The following RIF1 variants were observed in gnomAD, a reference collection of about 807,000 sequenced individuals.
The protein encoded by RIF1 is telomere-associated protein RIF1.
RIF1 carries 45 observed loss-of-function variants against 247.1 expected under a neutral mutation model. That is an observed-to-expected ratio of 0.18 (90% CI 0.14 to 0.23). RIF1 has a LOEUF of 0.23. Ranked by LOEUF, RIF1 falls within the 10% of genes least tolerant of loss-of-function variation. The pLI is 1.00. For missense variants in RIF1, 2,967 were observed against 2,862.5 expected (o/e 1.04, Z -0.83); for synonymous variants, 1,087 against 978.8 (o/e 1.11, Z -2.06).
chr2:151,467,509 T>C (rs918532000), intron 30 of RIF1, among the ~76,000 whole-genome samples: 1 of 152,084 alleles, frequency 6.6e-6, no homozygotes, highest in African/African-American at 2.4e-5. Flanking sequence ...TAAGCCCAGC[T>C]AATTTTTGTA....
At chr2:151,430,682 C>A (rs1417450413) in intron 9 of RIF1, among the ~76,000 whole-genome samples, 1 of 151,634 alleles carries the variant, frequency 6.6e-6, no homozygotes, top group African/African-American at 2.4e-5. Context: ...CCCCTCCCCC[C>A]ACTTAGGGTC....
rs572790968 is a variant in RIF1 at position 151,445,904 on chromosome 2, C to T, written c.2094+459C>T. Among the ~76,000 whole-genome samples the T allele has an allele frequency of 7.9e-5, 12 of 152,178 alleles. No homozygotes were observed. The South Asian group carries it at 1.0e-3, about 13-fold the overall frequency. ...ACTAGCTTAGGAGAATGATGAAGGG[C>T]GAGAGAAGTTCTTTTGGATCTTTGA... On this transcript the variant is annotated intron_variant, in intron 19 of 35. Transcript: ENST00000444746.
intron 34 of RIF1, among the ~76,000 whole-genome samples, chr2:151,472,039 A>G (rs997728820): frequency 6.6e-6 from 1 of 151,940 alleles, no homozygotes; most frequent in African/African-American, 2.4e-5. Context: ...GTCCTCTTTT[A>G]TTTCATTGAG....
chr2:151,415,204 G>A (rs1000430650), intron 4 of RIF1, among the ~76,000 whole-genome samples: 3 of 151,778 alleles, frequency 2.0e-5, no homozygotes, highest in Non-Finnish European at 2.9e-5. Flanking sequence ...AAAATTAGCC[G>A]GGCACCGTGG....
At chr2:151,443,851 G>T (rs1319341465) in intron 18 of RIF1, 142 bp downstream of exon 18, 2 of 508,180 alleles carry the variant, frequency 3.9e-6, no homozygotes, top group Non-Finnish European at 6.5e-6. Context: ...TTGTACTTTT[G>T]ATTGATTTTA....
rs754184054 is a variant in RIF1 at position 151,465,340 on chromosome 2, A to T, written c.5820A>T (p.Glu1940Asp). 6.2e-7 allele frequency: 1 copy of T among 1,613,914 alleles called. No individual in the cohort carries two copies. Among genetic ancestry groups the T allele is most frequent in the East Asian group, 2.2e-5 (1 of 44,874 alleles). ...QERTKTGISE[E>D]AAIEENKRND... ...GAACCAAAACTGGTATTTCTGAAGA[A>T]GCAGCAATAGAAGAAAATAAAAGAA... Residue 1940 changes from glutamate to aspartate, a missense_variant, in exon 30 of 36, where the codon GAA becomes GAT. This residue lies in a region of RIF1 where 2,028 missense variants were observed against 1,825.6 expected (regional missense o/e 1.11). Coordinates refer to ENST00000444746, the MANE Select transcript of RIF1 (RefSeq NM_018151.5).
intron 20 of RIF1, among the ~76,000 whole-genome samples, chr2:151,448,634 C>G (rs1220908341): frequency 1.3e-5 from 2 of 152,172 alleles, no homozygotes; most frequent in Non-Finnish European, 2.9e-5. Flanking sequence ...TTTCTGCTTC[C>G]TTTTCCAAAG....
chr2:151,502,795 A>T lies in RIF1; in HGVS notation c.*710-239A>T, dbSNP rs2065743787. ...TTTTTTGGCCCCCTAAGAAATACCGAGCTAAAGTTCTCTTGATTGCGTTTG... is the reference window on the plus strand; with the variant it reads ...TTTTTTGGCCCCCTAAGAAATACCGTGCTAAAGTTCTCTTGATTGCGTTTG... On this transcript the variant is annotated intron_variant and NMD_transcript_variant, in intron 11 of 13. Coordinates refer to the RIF1 transcript ENST00000454583. The T allele has an allele frequency of 6.3e-7, 1 of 1,580,790 alleles. No homozygotes were observed. The highest frequency in any genetic ancestry group is 8.7e-7 in the Non-Finnish European group (1 of 1,151,984).
Position 151,468,511 on chromosome 2 carries a change from G to C in RIF1, c.6785G>C (p.Gly2262Ala), listed in dbSNP as rs1340193586. ...TCAGCCAAAGGATTTCTGTCCCCAG[G>C]ATCACGTAGCCCTAAATTTAAGAGC... is the stretch of plus-strand genomic sequence containing the variant. ...TTSAKGFLSP[G>A]SRSPKFKSSK... The change falls in exon 32 of 36, where the codon GGA (glycine) becomes GCA (alanine). Residue 2262 changes from glycine (G) to alanine (A), a missense_variant. Physicochemically the swap from Gly to Ala is moderately conservative, Grantham distance 60. Coordinates refer to ENST00000444746, the MANE Select transcript of RIF1 (RefSeq NM_018151.5). 10 of 1,613,550 alleles carry C rather than the reference G, an allele frequency of 6.2e-6. No individual in the cohort carries two copies. The highest frequency in any genetic ancestry group is 8.5e-6 in the Non-Finnish European group (10 of 1,179,670).
intron 11 of RIF1, 26 bp downstream of exon 11, chr2:151,435,606 T>C (rs1691024641): frequency 7.4e-6 from 10 of 1,358,460 alleles, no homozygotes; most frequent in Admixed American, 1.7e-5. Flanking sequence ...TCTTGTTTTT[T>C]GCTTTTTTAA....
rs779160047 is a variant in RIF1, at chr2:151,465,251, C to T, written c.5731C>T (p.Leu1911=). 9 of 1,611,014 alleles carry T rather than the reference C, an allele frequency of 5.6e-6. No individual in the cohort carries two copies. The East Asian group carries it at 1.1e-4, about 20-fold the overall frequency. The change falls in exon 30 of 36, where the codon CTA becomes TTA. Residue 1911 remains leucine (L), a synonymous_variant. Coordinates refer to ENST00000444746, the MANE Select transcript of RIF1 (RefSeq NM_018151.5). ...GNACKVTESN[L]EKAKTMELNV... is the part of the protein sequence containing the mutation. ...TGCATGTAAAGTAACAGAATCCAATCTAGAGAAAGCAAAAACTATGGAATT... is the reference window on the plus strand; with the variant it reads ...TGCATGTAAAGTAACAGAATCCAATTTAGAGAAAGCAAAAACTATGGAATT...
chr2:151,447,333 C>T (rs116664667), intron 20 of RIF1, among the ~76,000 whole-genome samples: 86 of 152,340 alleles, frequency 5.6e-4, no homozygotes, highest in African/African-American at 2.0e-3. Context: ...TTACGCATGT[C>T]ATTTGTATAT....
chr2:151,443,460 A>G (rs1692719089), intron 17 of RIF1, 69 bp from the exon 18 acceptor site: 1 of 1,439,536 alleles, frequency 6.9e-7, no homozygotes, highest in Non-Finnish European at 9.4e-7. Flanking sequence ...TTATTTTAGA[A>G]TTTTGTTAAC....
chr2:151,432,482 A>G (rs1389633867), intron 9 of RIF1, among the ~76,000 whole-genome samples: 1 of 152,218 alleles, frequency 6.6e-6, no homozygotes, highest in East Asian at 1.9e-4. Context: ...ATCTAAATGA[A>G]TCTATTTAGA....
rs541121440 is a variant in RIF1 at position 151,409,902 on chromosome 2, A to G, written c.-142A>G. 1.3e-5 allele frequency: 9 copies of G among 697,978 alleles called. No individual in the cohort carries two copies. The South Asian group carries it at 1.3e-4, about 10-fold the overall frequency. The allele number at this position is 697,978 out of a possible 1,614,324, so 43.2% of individuals were successfully genotyped here. A position where few individuals can be genotyped will look rare whatever the true frequency, so the allele number is the denominator to read the frequency against. On this transcript the variant is annotated 5_prime_UTR_variant, in exon 1 of 36. Transcript: ENST00000444746. ...CTCCCGCGCACTCCTGGGCCCGCCC[A>G]GCCGCCATCTTGGTCTAGGAGGGAG...
Position 151,411,814 on chromosome 2 carries a change from C to G in RIF1, c.183+476C>G, listed in dbSNP as rs117849193. On this transcript the variant is annotated intron_variant, in intron 3 of 35. Transcript: ENST00000444746. The stretch of plus-strand genomic sequence containing the variant: ...ATTGTTACTTAAAGCTTCTCAGGTA[C>G]TTTCTTAATTACCTTACACGCTTTA... 3.5e-3 allele frequency among the ~76,000 whole-genome samples: 531 copies of G among 152,302 alleles called. 7 individuals are homozygous for G. The East Asian group carries it at 0.045, about 13-fold the overall frequency.
chr2:151,458,976 A>T (rs1204798844), intron 25 of RIF1, 66 bp downstream of exon 25: 1 of 933,940 alleles, frequency 1.1e-6, no homozygotes, highest in South Asian at 1.7e-5. Context: ...AAAGTTATAA[A>T]TAAGTAGAAC....
intron 11 of RIF1, among the ~76,000 whole-genome samples, chr2:151,501,787 A>G (rs551253459): frequency 3.3e-5 from 5 of 152,222 alleles, no homozygotes; most frequent in East Asian, 3.9e-4. Context: ...ATTGAAATTA[A>G]TATCCATGAG....
At chr2:151,437,039 A>G (rs6760866) in intron 12 of RIF1, 36 bp downstream of exon 12, 30 of 1,564,884 alleles carry the variant, frequency 1.9e-5, no homozygotes, top group Non-Finnish European at 2.6e-5. Flanking sequence ...TTAATTACTA[A>G]AACAGTCTAG....
Sources: allele counts gnomAD v4.1 joint callset (sites outside exome capture counted in the v4.1 genomes callset), GRCh38; gene constraint gnomAD v4.1.1; regional missense constraint gnomAD v4.1.1; transcripts MANE v1.5; gene names NCBI Gene and HGNC (gene_info 2026-07-23, HGNC 2026-07-21).